ADD2: variants seen among roughly 807,000 people sequenced by gnomAD.
ADD2 encodes the protein beta-adducin.
In ADD2, 23 loss-of-function variants were observed where a neutral mutation model predicts 83.0. The observed-to-expected ratio is 0.28, with a 90% confidence interval of 0.20 to 0.39. ADD2 has a LOEUF of 0.39. Among genes scored for constraint, ADD2 ranks in the 10% least tolerant of loss-of-function variants. ADD2 has a pLI of 1.00. For synonymous variants in ADD2, 375 were observed against 375.4 expected (o/e 1.00, Z 0.01); for missense variants, 758 against 944.9 (o/e 0.80, Z 2.59).
intron 1 of ADD2, among the ~76,000 whole-genome samples, chr2:70,756,298 GAGAAACTGCACACAC>G: frequency 6.6e-6 from 1 of 152,194 alleles, no homozygotes; most frequent in South Asian, 2.1e-4. Context: ...GGTGTTCTTA[GAGAAACTGCACACAC>G]TGCAGGAGAG....
intron 2 of ADD2, chr2:70,711,154 A>G (rs886613090): frequency 6.6e-6 from 1 of 152,234 alleles, no homozygotes; most frequent in Non-Finnish European, 1.5e-5. Flanking sequence ...AGATCAGAGG[A>G]GACCAGCGTG....
chr2:70,716,577 G>A (rs7571437), intron 1 of ADD2, among the ~76,000 whole-genome samples: 10,306 of 152,198 alleles, frequency 0.068, 1,186 homozygotes, highest in African/African-American at 0.24. Context: ...GTGTCTCTGC[G>A]TTTCTCTATC....
At chr2:70,697,137 A>T (rs1553372865) in intron 4 of ADD2, among the ~76,000 whole-genome samples, 1 of 151,952 alleles carries the variant, frequency 6.6e-6, no homozygotes, top group Non-Finnish European at 1.5e-5. Flanking sequence ...ACAGAGCGAG[A>T]CTCCGTCCCC....
intron 1 of ADD2, among the ~76,000 whole-genome samples, chr2:70,750,261 C>T (rs572079771): frequency 6.6e-6 from 1 of 152,280 alleles, no homozygotes; most frequent in South Asian, 2.1e-4. Flanking sequence ...AAACATCATG[C>T]CTTTCCAGGA....
chr2:70,706,583 G>T lies in ADD2; in HGVS notation c.-34-141C>A. On this transcript the variant is annotated intron_variant, in intron 2 of 15. Coordinates refer to ENST00000264436, the MANE Select transcript of ADD2 (RefSeq NM_001617.4). The surrounding 1 kb of genome is among the most constrained non-coding windows in gnomAD (Gnocchi z 5.0). ...GGATGGTAGAGGCAGAGCCTGGGGAGGAGGGCAGGACGCCAGCAGCGGCCC... is the reference window on the plus strand; with the variant it reads ...GGATGGTAGAGGCAGAGCCTGGGGATGAGGGCAGGACGCCAGCAGCGGCCC... The T allele has an allele frequency of 1.3e-6, 1 of 760,772 alleles. No homozygotes were observed. Among genetic ancestry groups the T allele is most frequent in the Non-Finnish European group, 2.0e-6 (1 of 497,246 alleles). 47.1% of individuals were successfully genotyped at this position (760,772 alleles called of 1,614,324 possible).
intron 15 of ADD2, among the ~76,000 whole-genome samples, chr2:70,670,087 C>T (rs1423899035): frequency 6.6e-6 from 1 of 152,184 alleles, no homozygotes; most frequent in Non-Finnish European, 1.5e-5. Context: ...CACAAAAGAA[C>T]TAATTTCCGT....
At position 70,696,233 on chromosome 2, in the gene ADD2, C is replaced by A. The variant is rs529577402; in HGVS notation, c.474+12G>T. The stretch of plus-strand genomic sequence containing the variant: ...TGCAGTGCCCCACCCAATTCCAGGG[C>A]GTTCTGCTCACCGTGACATAGGTGT... On this transcript the variant is annotated intron_variant, in intron 5 of 15. Coordinates refer to ENST00000264436, the MANE Select transcript of ADD2 (RefSeq NM_001617.4). The A allele has an allele frequency of 6.2e-7, 1 of 1,608,782 alleles. No individual in the cohort carries two copies. The highest frequency in any genetic ancestry group is 8.5e-7 in the Non-Finnish European group (1 of 1,177,668).
At chr2:70,734,381 G>A in intron 1 of ADD2, among the ~76,000 whole-genome samples, 1 of 145,894 alleles carries the variant, frequency 6.9e-6, no homozygotes, top group Admixed American at 6.8e-5. Context: ...ACACACACAT[G>A]TTGCTCTAGA....
At chr2:70,704,275 C>CCCCCCCCCCCCCCCTCCT in intron 4 of ADD2, 46 bp downstream of exon 4, 1 of 1,410,232 alleles carries the variant, frequency 7.1e-7, no homozygotes, top group Non-Finnish European at 9.6e-7. Context: ...CCCACCCCAC[C>CCCCCCCCCCCCCCCTCCT]CTCCCCTCCA....
intron 14 of ADD2, 33 bp from the exon 15 acceptor site, chr2:70,673,039 G>A: frequency 3.8e-6 from 6 of 1,599,308 alleles, no homozygotes; most frequent in Non-Finnish European, 4.3e-6. Context: ...CAGGATAGAG[G>A]TCAAATAGAG....
chr2:70,718,828 T>C (rs1672598050), intron 1 of ADD2, among the ~76,000 whole-genome samples: 1 of 152,206 alleles, frequency 6.6e-6, no homozygotes, highest in Non-Finnish European at 1.5e-5. Context: ...CACCACACTT[T>C]CTGCCCCTCA....
At chr2:70,717,413 C>T (rs1168310622) in intron 1 of ADD2, among the ~76,000 whole-genome samples, 1 of 152,156 alleles carries the variant, frequency 6.6e-6, no homozygotes, top group Non-Finnish European at 1.5e-5. Context: ...CTTCATGTGC[C>T]CTAAGCAGAG....
intron 1 of ADD2, among the ~76,000 whole-genome samples, chr2:70,759,569 T>C (rs915221980): frequency 5.3e-5 from 8 of 152,068 alleles, no homozygotes; most frequent in Non-Finnish European, 7.4e-5. Flanking sequence ...CTTGCAGTAG[T>C]GAGTGAGTTC....
Position 70,690,824 on chromosome 2 carries a change from G to T in ADD2, c.811C>A (p.Arg271=). 1.2e-6 allele frequency: 2 copies of T among 1,614,098 alleles called. No individual in the cohort carries two copies. The highest frequency in any genetic ancestry group is 1.7e-6 in the Non-Finnish European group (2 of 1,180,016). ...CCAAGGCACTTCTGCAGGTTGATCC[G>T]ATCGGCTTCCTGCTCCATTTCCCCA... ...FNGEMEQEAD[R]INLQKCLGPT... Residue 271 remains arginine, a synonymous_variant, in exon 8 of 16, where the codon CGG becomes AGG. Transcript: ENST00000264436.
chr2:70,703,874 T>C (rs1191651945), intron 4 of ADD2, among the ~76,000 whole-genome samples: 1 of 152,220 alleles, frequency 6.6e-6, no homozygotes, highest in Non-Finnish European at 1.5e-5. Context: ...TTTTCAGCCA[T>C]AATCCTGTAA....
chr2:70,727,265 G>A (rs1192247505), intron 1 of ADD2, among the ~76,000 whole-genome samples: 1 of 152,052 alleles, frequency 6.6e-6, no homozygotes, highest in African/African-American at 2.4e-5. Flanking sequence ...TACATGAAAC[G>A]CTTACTCCAG....
In ADD2 at chr2:70,663,327, C is replaced by G; in HGVS notation, c.*98G>C. 1 of 1,370,840 alleles carries G rather than the reference C, an allele frequency of 7.3e-7. No individual in the cohort carries two copies. Among genetic ancestry groups the G allele is most frequent in the Non-Finnish European group, 1.0e-6 (1 of 996,852 alleles). The allele number at this position is 1,370,840 out of a possible 1,614,324, so 84.9% of individuals were successfully genotyped here. On this transcript the variant is annotated 3_prime_UTR_variant, in exon 16 of 16. Transcript: ENST00000264436. ...CTTCCGAATGTGGTCCAGGGTCCTA[C>G]TCTATCCCTCCTTAGCCCTGTGCTT...
intron 1 of ADD2, among the ~76,000 whole-genome samples, chr2:70,763,868 A>T (rs1335834191): frequency 6.6e-6 from 1 of 151,806 alleles, no homozygotes; most frequent in Non-Finnish European, 1.5e-5. Context: ...AACCATCAGA[A>T]CAAATTACCC....
At chr2:70,728,879 T>A (rs1673146026) in intron 1 of ADD2, among the ~76,000 whole-genome samples, 2 of 152,242 alleles carry the variant, frequency 1.3e-5, no homozygotes, top group African/African-American at 4.8e-5. Context: ...AAAAGGCACC[T>A]TGGTAATGTT....
Sources: allele counts gnomAD v4.1 joint callset (sites outside exome capture counted in the v4.1 genomes callset), GRCh38; gene constraint gnomAD v4.1.1; non-coding constraint Gnocchi (gnomAD v3.1); transcripts MANE v1.5; gene names NCBI Gene and HGNC (gene_info 2026-07-23, HGNC 2026-07-21).